NPAS2: variants seen among roughly 807,000 people sequenced by gnomAD.
NPAS2 encodes the protein neuronal PAS domain-containing protein 2.
Under a neutral mutation model 107.5 loss-of-function variants are expected in NPAS2, and 23 were observed. That is an observed-to-expected ratio of 0.21 (90% confidence interval 0.15 to 0.30). The LOEUF (loss-of-function observed/expected upper bound fraction) is 0.30, where lower values mean the gene tolerates loss of function less well. Among genes scored for constraint, NPAS2 ranks in the 10% least tolerant of loss-of-function variants. NPAS2 has a pLI of 1.00. For synonymous variants in NPAS2, 403 were observed against 417.5 expected (o/e 0.97, Z 0.42); for missense variants, 756 against 1,043.3 (o/e 0.72, Z 3.79).
chr2:100,977,877 C>T, intron 15 of NPAS2, 78 bp downstream of exon 15: 1 of 1,252,200 alleles, frequency 8.0e-7, no homozygotes, highest in South Asian at 1.2e-5. Context: ...GTCTTGTACA[C>T]TTAGGTCCCA....
intron 2 of NPAS2, among the ~76,000 whole-genome samples, chr2:100,915,012 G>A (rs1224811350): frequency 2.0e-5 from 3 of 152,190 alleles, no homozygotes; most frequent in African/African-American, 7.2e-5. Context: ...AGGACCAGGA[G>A]CTCTAGTACT....
rs572563406 is a variant in NPAS2 at position 100,982,612 on chromosome 2, G to A, written c.1629+235G>A. ...TCTTCCCTCGCCCCTCACTCTGACA[G>A]GCACATCTGCTCACTGCCTCCACCT... On this transcript the variant is annotated intron_variant, in intron 16 of 20. Coordinates refer to ENST00000335681, the MANE Select transcript of NPAS2 (RefSeq NM_002518.4). The A allele has an allele frequency of 2.5e-5, 14 of 565,872 alleles. No individual in the cohort carries two copies. In the South Asian group the frequency reaches 2.9e-4, roughly 12 times the overall value. The allele number at this position is 565,872 out of a possible 1,614,324, so 35.1% of individuals were successfully genotyped here.
intron 1 of NPAS2, among the ~76,000 whole-genome samples, chr2:100,855,855 C>T (rs949276519): frequency 2.0e-5 from 3 of 152,198 alleles, no homozygotes; most frequent in African/African-American, 7.2e-5. Context: ...TTCCCCAAAA[C>T]TCTTGGAGGA....
At chr2:100,848,762 T>C (rs575355074) in intron 1 of NPAS2, among the ~76,000 whole-genome samples, 2 of 152,380 alleles carry the variant, frequency 1.3e-5, no homozygotes, top group South Asian at 2.1e-4. Context: ...GAAATTAGTT[T>C]TAACTTTCAA....
rs77144097 is a variant in NPAS2 at position 100,949,578 on chromosome 2, G to A, written c.598+98G>A. ...TCGCCCAGGGAGGAGGAGGGAGAAC[G>A]CGTGCTTTTCACATTTGCATTTGAA... On this transcript the variant is annotated intron_variant, in intron 7 of 20. Coordinates refer to ENST00000335681, the MANE Select transcript of NPAS2 (RefSeq NM_002518.4). 1.3e-3 allele frequency: 949 copies of A among 709,966 alleles called. 6 individuals are homozygous for A. The African/African-American group carries it at 0.014, about 11-fold the overall frequency. 44.0% of individuals were successfully genotyped at this position (709,966 alleles called of 1,614,324 possible).
chr2:100,844,513 C>T (rs1462785063), intron 1 of NPAS2, among the ~76,000 whole-genome samples: 1 of 152,112 alleles, frequency 6.6e-6, no homozygotes, highest in Non-Finnish European at 1.5e-5. Flanking sequence ...CTGCATGATT[C>T]CCCGCCAGCT....
intron 1 of NPAS2, among the ~76,000 whole-genome samples, chr2:100,898,672 C>CTGA (rs921918080): frequency 1.3e-5 from 2 of 151,940 alleles, no homozygotes; most frequent in Admixed American, 1.3e-4. Flanking sequence ...AATTGTTAAT[C>CTGA]TGATACAGGT....
chr2:100,989,619 C>T (rs1279031017), intron 17 of NPAS2: 1 of 152,258 alleles, frequency 6.6e-6, no homozygotes, highest in Non-Finnish European at 1.5e-5. Flanking sequence ...CACTTCCTCA[C>T]TCATTTATTA....
At chr2:100,878,044 C>T in intron 1 of NPAS2, 1 of 985,358 alleles carries the variant, frequency 1.0e-6, no homozygotes, top group Middle Eastern at 5.2e-4. Flanking sequence ...TTTGTAGGCC[C>T]CGTGGACCTG....
intron 1 of NPAS2, among the ~76,000 whole-genome samples, chr2:100,837,371 C>T (rs979486131): frequency 1.3e-5 from 2 of 152,110 alleles, no homozygotes; most frequent in Admixed American, 6.5e-5. Flanking sequence ...TGCAATGGTG[C>T]GATCTTGGCT....
Position 100,965,414 on chromosome 2 carries a change from G to A in NPAS2, c.801-246G>A, listed in dbSNP as rs576099709. Among the ~76,000 whole-genome samples, 20 of 152,190 alleles carry A rather than the reference G, an allele frequency of 1.3e-4. No homozygotes were observed. In the South Asian group the frequency reaches 4.1e-3, roughly 32 times the overall value. On this transcript the variant is annotated intron_variant, in intron 9 of 20. Coordinates refer to ENST00000335681, the MANE Select transcript of NPAS2 (RefSeq NM_002518.4). This position sits in a 1 kb window ranked among gnomAD's most constrained non-coding sequence, Gnocchi z 4.3. ...TAGCTGTTTTTAATTACCCAGTAGTGATAAAGCTTATTGTTATTTGGGCCA... is the reference window on the plus strand; with the variant it reads ...TAGCTGTTTTTAATTACCCAGTAGTAATAAAGCTTATTGTTATTTGGGCCA...
In NPAS2 at chr2:100,902,616, T is replaced by A. The variant is rs187668998; in HGVS notation, c.-22-2117T>A. Among the ~76,000 whole-genome samples, 6 of 152,314 alleles carry A rather than the reference T, an allele frequency of 3.9e-5. No homozygotes were observed. The East Asian group carries it at 7.7e-4, about 20-fold the overall frequency. ...TTTATGCTTTGCAAGGGCAAAGAGA[T>A]CTGGAATGGATGGTGGTGATGGTTG... On this transcript the variant is annotated intron_variant, in intron 1 of 20. Transcript: ENST00000335681.
At chr2:100,974,584 AG>A (rs1415073618) in intron 12 of NPAS2, among the ~76,000 whole-genome samples, 1 of 152,242 alleles carries the variant, frequency 6.6e-6, no homozygotes, top group Non-Finnish European at 1.5e-5. Flanking sequence ...AAGGCGAGAA[AG>A]GGTAATAAAC....
At chr2:100,939,525 A>G (rs888778713) in intron 5 of NPAS2, among the ~76,000 whole-genome samples, 8 of 152,188 alleles carry the variant, frequency 5.3e-5, no homozygotes, top group Non-Finnish European at 7.3e-5. Flanking sequence ...AGTGATCCCC[A>G]TCATCACCCC....
intron 2 of NPAS2, among the ~76,000 whole-genome samples, chr2:100,905,094 G>A (rs1682058863): frequency 6.6e-6 from 1 of 152,158 alleles, no homozygotes; most frequent in Non-Finnish European, 1.5e-5. Context: ...TGCTTTTCCA[G>A]GACAGACACT....
chr2:100,912,861 C>G (rs889401761), intron 2 of NPAS2, among the ~76,000 whole-genome samples: 1 of 152,230 alleles, frequency 6.6e-6, no homozygotes, highest in Non-Finnish European at 1.5e-5. Context: ...TAGAACCCAT[C>G]TTTTGATGGG....
At chr2:100,975,301 C>G (rs1356653594) in intron 13 of NPAS2, 157 bp from the exon 14 acceptor site, 1 of 699,232 alleles carries the variant, frequency 1.4e-6, no homozygotes, top group South Asian at 1.9e-5. Context: ...CCAGGCTGGG[C>G]TTCTGTGGTT....
chr2:100,868,810 ATTATC>A (rs1389802574), intron 1 of NPAS2, among the ~76,000 whole-genome samples: 1 of 152,194 alleles, frequency 6.6e-6, no homozygotes. Context: ...TATTCCAGAA[ATTATC>A]TTTTCTTCTT....
At position 100,904,745 on chromosome 2, in the gene NPAS2, A is replaced by G. The variant is rs1475188750; in HGVS notation, c.-10A>G. On this transcript the variant is annotated 5_prime_UTR_variant, in exon 2 of 21. It adds an upstream start codon to the 5' untranslated region. Transcript: ENST00000335681. ...TTTTTTTTTGCAGGAAAAACTGCAT[A>G]GAAAATCTAATGGATGAAGATGAGA... 3 of 1,593,472 alleles carry G rather than the reference A, an allele frequency of 1.9e-6. No homozygotes were observed. The highest frequency in any genetic ancestry group is 2.6e-6 in the Non-Finnish European group (3 of 1,166,870).
Sources: gnomAD v4.1 joint callset for allele counts (sites outside exome capture counted in the v4.1 genomes callset) on GRCh38, gnomAD v4.1.1 for gene constraint, Gnocchi (gnomAD v3.1) non-coding constraint, MANE v1.5 for transcripts, NCBI Gene and HGNC (gene_info 2026-07-23, HGNC 2026-07-21) for gene names.